Variants in FBN2 observed in about 807,000 individuals in gnomAD.
FBN2 encodes the protein fibrillin-2.
FBN2 carries 105 observed loss-of-function variants against 355.6 expected under a neutral mutation model. The ratio of observed to expected loss-of-function variants is 0.30; its 90% CI spans 0.25 to 0.35. The LOEUF is 0.35. Ranked by LOEUF, FBN2 falls within the 10% of genes least tolerant of loss-of-function variation. The pLI is 1.00. For synonymous variants in FBN2, 1,350 were observed against 1,301.2 expected (o/e 1.04, Z -0.81); for missense variants, 3,280 against 3,758.7 (o/e 0.87, Z 3.33).
At chr5:128,452,756 A>G (rs1473904667) in intron 6 of FBN2, among the ~76,000 whole-genome samples, 1 of 152,092 alleles carries the variant, frequency 6.6e-6, no homozygotes, top group Admixed American at 6.5e-5. Flanking sequence ...TTTCGGGGAT[A>G]CAGGTGCGGG....
At chr5:128,294,022 G>A (rs1044635977) in intron 48 of FBN2, among the ~76,000 whole-genome samples, 1 of 150,058 alleles carries the variant, frequency 6.7e-6, no homozygotes, top group Non-Finnish European at 1.5e-5. Context: ...AGAGTGTGAT[G>A]TTCCCCTTCC....
intron 5 of FBN2, among the ~76,000 whole-genome samples, chr5:128,486,786 T>C (rs879549487): frequency 4.6e-5 from 7 of 152,066 alleles, no homozygotes; most frequent in Non-Finnish European, 7.4e-5. Context: ...CCCCACCTCA[T>C]GACAGGTGTG....
chr5:128,467,681 C>T (rs1754749021), intron 5 of FBN2, among the ~76,000 whole-genome samples: 1 of 152,060 alleles, frequency 6.6e-6, no homozygotes, highest in African/African-American at 2.4e-5. Context: ...AGTGTGTTAA[C>T]TAAGTGTAAA....
chr5:128,293,521 T>C (rs1250780142), intron 48 of FBN2, among the ~76,000 whole-genome samples: 1 of 152,056 alleles, frequency 6.6e-6, no homozygotes, highest in Non-Finnish European at 1.5e-5. Context: ...TTAAAACCAT[T>C]TTTTCAGAGA....
chr5:128,350,812 T>C, intron 21 of FBN2, 56 bp downstream of exon 21: 2 of 1,601,456 alleles, frequency 1.2e-6, no homozygotes, highest in Non-Finnish European at 1.7e-6. Context: ...AGAGGTGTCC[T>C]AGTGGCAGGA....
At chr5:128,534,926 T>A (rs1464200345) in intron 2 of FBN2, among the ~76,000 whole-genome samples, 1 of 152,206 alleles carries the variant, frequency 6.6e-6, no homozygotes, top group Non-Finnish European at 1.5e-5. Flanking sequence ...CCTAAGTCAC[T>A]CCCAGCTAGT....
chr5:128,420,776 T>C (rs1172753560), intron 7 of FBN2, among the ~76,000 whole-genome samples: 1 of 152,222 alleles, frequency 6.6e-6, no homozygotes, highest in East Asian at 1.9e-4. Context: ...ATTGGGCATA[T>C]ACTATTCATT....
rs151065857 is a variant in FBN2, at chr5:128,495,185, A to T, written c.628+24088T>A. On this transcript the variant is annotated intron_variant, in intron 5 of 64. Coordinates refer to ENST00000262464, the MANE Select transcript of FBN2 (RefSeq NM_001999.4). ...ATTCCCTGGAGATAATCAAGAGTAG[A>T]TTGGAACTCGCAAAAGAAAGGATCA... Among the ~76,000 whole-genome samples, 435 of 142,664 alleles carry T rather than the reference A, an allele frequency of 3.0e-3. 2 individuals are homozygous for T. Among genetic ancestry groups the T allele is most frequent in the African/African-American group, 0.012 (418 of 34,868 alleles). The allele number at this position is 142,664 out of a possible 152,430, so 93.6% of individuals were successfully genotyped here. A position where few individuals can be genotyped will look rare whatever the true frequency, so the allele number is the denominator to read the frequency against.
chr5:128,515,259 A>G (rs1026846890), intron 5 of FBN2, among the ~76,000 whole-genome samples: 1 of 152,208 alleles, frequency 6.6e-6, no homozygotes, highest in Non-Finnish European at 1.5e-5. Context: ...AAAAATGTAT[A>G]CAATAATTAA....
chr5:128,361,611 T>C (rs1751639050), intron 19 of FBN2, 112 bp downstream of exon 19: 1 of 1,338,962 alleles, frequency 7.5e-7, no homozygotes, highest in Non-Finnish European at 1.1e-6. Context: ...GATTATAAAA[T>C]AAAATATTCA....
intron 15 of FBN2, chr5:128,371,075 T>G (rs561207678): frequency 6.6e-6 from 1 of 152,260 alleles, no homozygotes; most frequent in South Asian, 2.1e-4. Context: ...GTGACCACCT[T>G]ATTTCCCTCT....
At chr5:128,340,265 A>C (rs1750974720) in intron 25 of FBN2, among the ~76,000 whole-genome samples, 1 of 152,182 alleles carries the variant, frequency 6.6e-6, no homozygotes, top group Non-Finnish European at 1.5e-5. Context: ...TTAAAATCAC[A>C]GGATTTAGTG....
intron 5 of FBN2, among the ~76,000 whole-genome samples, chr5:128,497,431 G>C (rs957399569): frequency 2.0e-5 from 3 of 152,152 alleles, no homozygotes; most frequent in African/African-American, 7.2e-5. Context: ...AATAGTGGGG[G>C]CAACAAGTCC....
intron 45 of FBN2, among the ~76,000 whole-genome samples, chr5:128,304,227 G>A (rs942891010): frequency 2.0e-5 from 3 of 152,206 alleles, no homozygotes; most frequent in Non-Finnish European, 4.4e-5. Flanking sequence ...CCTTTCAAGT[G>A]CAAAGCACAG....
rs143905167 is a variant in FBN2 at position 128,357,316 on chromosome 5, C to T, written c.2634G>A (p.Ser878=). The T allele has an allele frequency of 8.4e-5, 135 of 1,613,922 alleles. 1 individual carries two copies. The highest frequency in any genetic ancestry group is 6.6e-4 in the Middle Eastern group (4 of 6,062). ...CTGTGGAGCTGAGTTTGCTGCCGGGCGAACATTCACAATTGAAAGATCCAA... is the reference window on the plus strand; with the variant it reads ...CTGTGGAGCTGAGTTTGCTGCCGGGTGAACATTCACAATTGAAAGATCCAA... The part of the protein sequence containing the change: ...NNLGSFNCEC[S]PGSKLSSTGL... Residue 878 remains serine, a synonymous_variant, in exon 20 of 65, where the codon TCG becomes TCA. Transcript: ENST00000262464.
chr5:128,434,392 G>GTA (rs1554068943), intron 7 of FBN2, among the ~76,000 whole-genome samples: 1 of 44,112 alleles, frequency 2.3e-5, no homozygotes, highest in East Asian at 7.0e-4. Context: ...TGAATAAAGT[G>GTA]TGTATATATA....
intron 2 of FBN2, among the ~76,000 whole-genome samples, chr5:128,533,905 T>C (rs1756779222): frequency 6.7e-6 from 1 of 150,098 alleles, no homozygotes; most frequent in Non-Finnish European, 1.5e-5. Flanking sequence ...CTTTTGGAAA[T>C]GAATATTTGG....
At chr5:128,322,550 C>G (rs1294876704) in intron 34 of FBN2, among the ~76,000 whole-genome samples, 1 of 152,086 alleles carries the variant, frequency 6.6e-6, no homozygotes, top group Non-Finnish European at 1.5e-5. Context: ...GAATCCTCTC[C>G]CCATTGCTTG....
At chr5:128,355,199 G>T (rs181330400) in intron 20 of FBN2, among the ~76,000 whole-genome samples, 37 of 152,296 alleles carry the variant, frequency 2.4e-4, no homozygotes, top group Non-Finnish European at 4.6e-4. Flanking sequence ...TCTAAGGTGA[G>T]GAATGAGAAT....
Sources: gnomAD v4.1 joint callset for allele counts (sites outside exome capture counted in the v4.1 genomes callset) on GRCh38, gnomAD v4.1.1 for gene constraint, MANE v1.5 for transcripts, NCBI Gene and HGNC (gene_info 2026-07-23, HGNC 2026-07-21) for gene names.